Variants in SLC25A48 observed in about 807,000 individuals in gnomAD.
SLC25A48 encodes solute carrier family 25 member 48.
SLC25A48 carries 29 observed loss-of-function variants against 32.2 expected under a neutral mutation model. The ratio of observed to expected loss-of-function variants is 0.90; its 90% CI spans 0.67 to 1.23. The LOEUF is 1.23. Among genes scored for constraint, SLC25A48 ranks in the 50% most tolerant of loss-of-function variants. The pLI is 0.00. For missense variants in SLC25A48, 399 were observed against 422.7 expected, an observed-to-expected ratio of 0.94 and a Z score of 0.49; for synonymous variants, 164 against 172.3, an observed-to-expected ratio of 0.95 and a Z score of 0.38.
intron 3 of SLC25A48, among the ~76,000 whole-genome samples, chr5:135,692,099 T>C (rs1290633988): frequency 6.6e-6 from 1 of 152,124 alleles, no homozygotes; most frequent in African/African-American, 2.4e-5. Flanking sequence ...AGGCGGATCC[T>C]GAGGTCAGGA....
At chr5:135,785,763 C>A (rs1381189242) in intron 3 of SLC25A48, among the ~76,000 whole-genome samples, 1 of 148,742 alleles carries the variant, frequency 6.7e-6, no homozygotes, top group Non-Finnish European at 1.5e-5. Context: ...TGAAACATCC[C>A]GCTTGCCCCA....
chr5:135,674,204 A>G (rs1753718536), intron 3 of SLC25A48, among the ~76,000 whole-genome samples: 1 of 152,074 alleles, frequency 6.6e-6, no homozygotes, highest in Admixed American at 6.5e-5. Flanking sequence ...TTACGTGCAC[A>G]GACTGTATAA....
intron 3 of SLC25A48, among the ~76,000 whole-genome samples, chr5:135,789,647 C>T (rs1332382232): frequency 3.3e-5 from 5 of 149,892 alleles, no homozygotes; most frequent in East Asian, 2.0e-4. Context: ...CAGCCTTTTG[C>T]GATATGGTTT....
chr5:135,886,618 T>C (rs1319808099), intron 7 of SLC25A48, among the ~76,000 whole-genome samples: 1 of 21,488 alleles, frequency 4.7e-5, no homozygotes, highest in Non-Finnish European at 8.5e-5. Context: ...TATATATATA[T>C]ATATATATAT....
At chr5:135,640,290 C>T (rs1054823349) in intron 3 of SLC25A48, among the ~76,000 whole-genome samples, 2 of 152,104 alleles carry the variant, frequency 1.3e-5, no homozygotes, top group Non-Finnish European at 2.9e-5. Context: ...AGCAAGCAAT[C>T]TAACATATGA....
chr5:135,810,586 C>T (rs1580904095), intron 3 of SLC25A48, among the ~76,000 whole-genome samples: 1 of 152,188 alleles, frequency 6.6e-6, no homozygotes, highest in South Asian at 2.1e-4. Flanking sequence ...CAAAAGCAAT[C>T]CTAACTGAGC....
intron 3 of SLC25A48, among the ~76,000 whole-genome samples, chr5:135,706,982 C>T (rs925591861): frequency 1.3e-5 from 2 of 152,174 alleles, no homozygotes; most frequent in African/African-American, 4.8e-5. Context: ...ACAAAGAAGA[C>T]ATGGAAAATG....
chr5:135,774,824 A>T (rs4505942), intron 3 of SLC25A48, among the ~76,000 whole-genome samples: 2 of 151,214 alleles, frequency 1.3e-5, no homozygotes, highest in African/African-American at 4.9e-5. Flanking sequence ...GGGTGTACAC[A>T]CCCCTGTGAT....
chr5:135,719,336 G>A (rs1023670616), intron 3 of SLC25A48, among the ~76,000 whole-genome samples: 12 of 152,160 alleles, frequency 7.9e-5, no homozygotes, highest in African/African-American at 2.7e-4. Context: ...GCCCACTAGT[G>A]TACCAGAGGC....
chr5:135,598,275 TA>T (rs1333775973), intron 1 of SLC25A48, among the ~76,000 whole-genome samples: 5 of 152,240 alleles, frequency 3.3e-5, no homozygotes, highest in Non-Finnish European at 5.9e-5. Flanking sequence ...CCTTCTGCTT[TA>T]GGGGCTTCCC....
At position 135,888,156 on chromosome 5, in the gene SLC25A48, T is replaced by A; in HGVS notation, c.*132T>A. 1 of 1,461,574 alleles carries A rather than the reference T, an allele frequency of 6.8e-7. No homozygotes were observed. The highest frequency in any genetic ancestry group is 9.4e-7 in the Non-Finnish European group (1 of 1,067,584). The allele number at this position is 1,461,574 out of a possible 1,614,324, so 90.5% of individuals were successfully genotyped here. Reference sequence around the variant, plus strand: ...ATCAATTAGCAAGCGTGGGCTAGGATGGTGCAGACACTGACGTGGCCCTTC... The same window carrying A: ...ATCAATTAGCAAGCGTGGGCTAGGAAGGTGCAGACACTGACGTGGCCCTTC... On this transcript the variant is annotated 3_prime_UTR_variant, in exon 8 of 8. Coordinates refer to ENST00000681962, the MANE Select transcript of SLC25A48 (RefSeq NM_001349336.2).
chr5:135,645,509 T>C (rs74875282), intron 3 of SLC25A48, among the ~76,000 whole-genome samples: 1,838 of 152,310 alleles, frequency 0.012, 51 homozygotes, highest in African/African-American at 0.042. Flanking sequence ...CTGACACATG[T>C]GTTGAGTTCG....
intron 3 of SLC25A48, among the ~76,000 whole-genome samples, chr5:135,697,792 A>G (rs1754302139): frequency 6.6e-6 from 1 of 152,178 alleles, no homozygotes; most frequent in Non-Finnish European, 1.5e-5. Flanking sequence ...CCAGAGTGAT[A>G]GGAATGCATC....
chr5:135,663,554 C>T (rs992517967), intron 3 of SLC25A48, among the ~76,000 whole-genome samples: 37 of 152,228 alleles, frequency 2.4e-4, no homozygotes, highest in Admixed American at 7.8e-4. Flanking sequence ...CATGTCTCTT[C>T]ATCCCTGATT....
At chr5:135,640,413 G>C (rs777647466) in intron 3 of SLC25A48, among the ~76,000 whole-genome samples, 1 of 152,120 alleles carries the variant, frequency 6.6e-6, no homozygotes, top group Non-Finnish European at 1.5e-5. Context: ...CAAAAGATCA[G>C]CAAACCCCAA....
chr5:135,776,178 T>C (rs1353988431), intron 3 of SLC25A48, among the ~76,000 whole-genome samples: 1 of 151,312 alleles, frequency 6.6e-6, no homozygotes, highest in Admixed American at 6.6e-5. Flanking sequence ...CTTATAATAT[T>C]GATTGTAATA....
chr5:135,812,527 C>G (rs1757613991), exon 4 of SLC25A48: 1 of 152,236 alleles, frequency 6.6e-6, no homozygotes, highest in African/African-American at 2.4e-5. Flanking sequence ...TTTCAGCTAT[C>G]ATCCCTCCTG....
intron 3 of SLC25A48, among the ~76,000 whole-genome samples, chr5:135,697,551 C>T (rs1188379580): frequency 6.6e-6 from 1 of 152,208 alleles, no homozygotes; most frequent in East Asian, 1.9e-4. Context: ...CCTCCTTTGC[C>T]AGAGACTGGA....
intron 1 of SLC25A48, among the ~76,000 whole-genome samples, chr5:135,584,286 C>T (rs1469246739): frequency 6.6e-6 from 1 of 152,194 alleles, no homozygotes; most frequent in African/African-American, 2.4e-5. Context: ...AGAACACATG[C>T]AAAGATATTT....
Sources: allele counts gnomAD v4.1 joint callset (sites outside exome capture counted in the v4.1 genomes callset), GRCh38; gene constraint gnomAD v4.1.1; transcripts MANE v1.5; gene names NCBI Gene and HGNC (gene_info 2026-07-23, HGNC 2026-07-21).